GPC5: variants seen among roughly 807,000 people sequenced by gnomAD.
The protein encoded by GPC5 is glypican 5, also known as glypican-5.
A neutral mutation model predicts 53.9 loss-of-function variants in GPC5; 47 were observed. That is an observed-to-expected ratio of 0.87 (90% CI 0.69 to 1.11). The LOEUF is 1.11. Ranked by LOEUF, GPC5 falls within the 50% of genes most tolerant of loss-of-function variation. The probability of loss-of-function intolerance (pLI) is 0.00; values close to 1 mark genes in which losing one functional copy is unlikely to be tolerated. For synonymous variants in GPC5, 286 were observed against 263.3 expected, an observed-to-expected ratio of 1.09 and a Z score of -0.84; for missense variants, 748 against 713.1, an observed-to-expected ratio of 1.05 and a Z score of -0.56.
intron 7 of GPC5, among the ~76,000 whole-genome samples, chr13:92,738,772 A>C (rs1889009742): frequency 6.6e-6 from 1 of 152,150 alleles, no homozygotes; most frequent in African/African-American, 2.4e-5. Context: ...ATTCTGTAGG[A>C]TTTTCCGTGA....
intron 6 of GPC5, among the ~76,000 whole-genome samples, chr13:91,920,490 T>A (rs1027255258): frequency 1.3e-5 from 2 of 152,282 alleles, no homozygotes; most frequent in Non-Finnish European, 1.5e-5. Context: ...GTAAGTAATG[T>A]CAATCATTTT....
chr13:92,477,146 G>T (rs2209828), intron 7 of GPC5, among the ~76,000 whole-genome samples: 94,456 of 151,966 alleles, frequency 0.62, 30,563 homozygotes, highest in East Asian at 0.89. Context: ...CCTATTGTGT[G>T]CCCCAGTATT....
chr13:92,367,758 T>A (rs2043617404), intron 7 of GPC5, among the ~76,000 whole-genome samples: 2 of 152,204 alleles, frequency 1.3e-5, no homozygotes, highest in East Asian at 3.9e-4. Flanking sequence ...CCCTCACTTG[T>A]AAGGCAATTT....
intron 7 of GPC5, among the ~76,000 whole-genome samples, chr13:92,255,796 A>G (rs1244037430): frequency 6.6e-6 from 1 of 152,040 alleles, no homozygotes; most frequent in Non-Finnish European, 1.5e-5. Context: ...CAGTTTTGTC[A>G]TTATTTTCCT....
chr13:91,526,826 A>T (rs999640785), intron 2 of GPC5, among the ~76,000 whole-genome samples: 2 of 152,180 alleles, frequency 1.3e-5, no homozygotes, highest in African/African-American at 4.8e-5. Context: ...TAGAAGGTGA[A>T]GGGGAAGCAA....
chr13:91,671,780 CAAAAAAAAAA>C (rs55758033), intron 2 of GPC5, among the ~76,000 whole-genome samples: 3 of 33,126 alleles, frequency 9.1e-5, no homozygotes, highest in East Asian at 1.1e-3. Flanking sequence ...CAATCTGAAG[CAAAAAAAAAA>C]AAAAAAAAAA....
chr13:91,966,631 T>TA (rs2040183258), intron 6 of GPC5, among the ~76,000 whole-genome samples: 1 of 152,196 alleles, frequency 6.6e-6, no homozygotes, highest in African/African-American at 2.4e-5. Flanking sequence ...AATCAAAACT[T>TA]ATCAGGAGTC....
intron 6 of GPC5, among the ~76,000 whole-genome samples, chr13:92,008,906 A>G (rs888087144): frequency 6.6e-6 from 1 of 151,652 alleles, no homozygotes; most frequent in Admixed American, 6.6e-5. Context: ...TTCTATTGCT[A>G]TGTCTTCAAA....
intron 6 of GPC5, among the ~76,000 whole-genome samples, chr13:91,922,155 A>G (rs1263797075): frequency 3.3e-5 from 5 of 152,308 alleles, no homozygotes; most frequent in Non-Finnish European, 7.4e-5. Flanking sequence ...TTCCAGAGCA[A>G]TTAATCAGGT....
At chr13:91,715,770 G>GTC (rs55859912) in intron 3 of GPC5, among the ~76,000 whole-genome samples, 14,252 of 132,664 alleles carry the variant, frequency 0.11, 892 homozygotes, top group East Asian at 0.25. Flanking sequence ...TTAAGATAGG[G>GTC]TCTCTCTCTC....
intron 5 of GPC5, among the ~76,000 whole-genome samples, chr13:91,906,039 CT>C (rs1403004128): frequency 7.9e-5 from 12 of 152,104 alleles, no homozygotes; most frequent in Middle Eastern, 3.4e-3. Flanking sequence ...CTCACCCCCC[CT>C]GCCAACGTCC....
chr13:91,560,181 A>G (rs1012798657), intron 2 of GPC5, among the ~76,000 whole-genome samples: 6 of 152,142 alleles, frequency 3.9e-5, no homozygotes, highest in African/African-American at 1.4e-4. Context: ...CCTGGCATGA[A>G]TTGGAGAAGG....
At chr13:91,796,116 TG>T (rs1295997182) in intron 5 of GPC5, among the ~76,000 whole-genome samples, 1 of 151,996 alleles carries the variant, frequency 6.6e-6, no homozygotes, top group East Asian at 1.9e-4. Context: ...TTCCAAGGAA[TG>T]GAATCTGGGG....
intron 6 of GPC5, chr13:91,995,687 T>A (rs539296473): frequency 1.3e-5 from 2 of 152,320 alleles, no homozygotes; most frequent in East Asian, 3.9e-4. Context: ...CTCATGTTGT[T>A]TCTCTAAACA....
intron 6 of GPC5, among the ~76,000 whole-genome samples, chr13:92,043,056 T>A (rs2138826848): frequency 6.6e-6 from 1 of 152,134 alleles, no homozygotes; most frequent in Admixed American, 6.5e-5. Context: ...TCCATGCCAA[T>A]CATATAATCT....
intron 5 of GPC5, among the ~76,000 whole-genome samples, chr13:91,869,432 T>A (rs2039119914): frequency 6.6e-6 from 1 of 152,222 alleles, no homozygotes; most frequent in Non-Finnish European, 1.5e-5. Flanking sequence ...AGGAAAAATA[T>A]ATGTACCACA....
intron 7 of GPC5, among the ~76,000 whole-genome samples, chr13:92,491,812 C>A (rs891406999): frequency 2.0e-5 from 3 of 152,070 alleles, no homozygotes; most frequent in Admixed American, 1.3e-4. Flanking sequence ...GACTAGAAAA[C>A]CAAACCTCAT....
intron 7 of GPC5, among the ~76,000 whole-genome samples, chr13:92,254,129 G>A (rs1254154861): frequency 2.6e-5 from 4 of 152,102 alleles, no homozygotes; most frequent in South Asian, 2.1e-4. Context: ...TAAACCAGGG[G>A]AACAAAAAAT....
chr13:91,764,530 T>G (rs1038726546), intron 5 of GPC5, among the ~76,000 whole-genome samples: 1 of 152,226 alleles, frequency 6.6e-6, no homozygotes, highest in Non-Finnish European at 1.5e-5. Flanking sequence ...TATTAGTGCC[T>G]GAAGGCTCTT....
Sources: gnomAD v4.1 joint callset for allele counts (sites outside exome capture counted in the v4.1 genomes callset) on GRCh38, gnomAD v4.1.1 for gene constraint, MANE v1.5 for transcripts, NCBI Gene and HGNC (gene_info 2026-07-23, HGNC 2026-07-21) for gene names.